Variants in STX8 observed in about 807,000 individuals in gnomAD.
STX8 encodes the protein syntaxin 8.
A neutral mutation model predicts 37.5 loss-of-function variants in STX8; 23 were observed. The observed-to-expected ratio is 0.61, with a 90% CI of 0.44 to 0.87. The LOEUF (loss-of-function observed/expected upper bound fraction) is 0.87, where lower values mean the gene tolerates loss of function less well. Among genes scored for constraint, STX8 ranks in the 40% least tolerant of loss-of-function variants. STX8 has a pLI of 0.00. For missense variants in STX8, 313 were observed against 284.7 expected (o/e 1.10, Z -0.71); for synonymous variants, 115 against 99.1 (o/e 1.16, Z -0.95).
At chr17:9,570,082 A>G (rs1907624060) in intron 1 of STX8, 1 of 152,236 alleles carries the variant, frequency 6.6e-6, no homozygotes. Context: ...GGACCAGTCC[A>G]TCACAAAATA....
chr17:9,271,736 A>G (rs1907469741), intron 7 of STX8, among the ~76,000 whole-genome samples: 1 of 149,190 alleles, frequency 6.7e-6, no homozygotes, highest in Non-Finnish European at 1.5e-5. Context: ...GCTATAGAGC[A>G]AGACTCCATC....
At chr17:9,350,234 AGGGTGGGATG>A (rs1274429789) in intron 7 of STX8, among the ~76,000 whole-genome samples, 1 of 140,416 alleles carries the variant, frequency 7.1e-6, no homozygotes, top group Non-Finnish European at 1.6e-5. Flanking sequence ...ATTCATATCC[AGGGTGGGATG>A]GGGTGGGATG....
At chr17:9,319,821 C>T (rs572379824) in intron 7 of STX8, among the ~76,000 whole-genome samples, 23 of 151,332 alleles carry the variant, frequency 1.5e-4, no homozygotes, top group East Asian at 1.2e-3. Flanking sequence ...CCTGGTGTCA[C>T]ACACTTGTAA....
chr17:9,250,674 T>A (rs928243800), intron 7 of STX8, 29 bp from the exon 8 acceptor site: 1 of 1,564,420 alleles, frequency 6.4e-7, no homozygotes, highest in African/African-American at 1.3e-5. Flanking sequence ...AAATACTACT[T>A]TTAATGATTC....
chr17:9,317,648 C>T (rs1440384589), intron 7 of STX8, among the ~76,000 whole-genome samples: 1 of 152,038 alleles, frequency 6.6e-6, no homozygotes, highest in Non-Finnish European at 1.5e-5. Flanking sequence ...CACCTGTAGT[C>T]CCAGCTACTT....
intron 4 of STX8, among the ~76,000 whole-genome samples, chr17:9,515,910 G>A (rs549110827): frequency 3.7e-4 from 56 of 152,160 alleles, no homozygotes; most frequent in Admixed American, 1.2e-3. Context: ...TCAATTTCAC[G>A]TACCTTCGAA....
At position 9,572,720 on chromosome 17, in the gene STX8, T is replaced by C. The variant is rs1312129224; in HGVS notation, c.17+3072A>G. Among the ~76,000 whole-genome samples the C allele has an allele frequency of 2.6e-5, 4 of 151,772 alleles. No individual in the cohort carries two copies. In the East Asian group the frequency reaches 7.8e-4, roughly 29 times the overall value. ...ACCACACCTGGCCTTTTATAGGTTTTTCAAGTCCCTTCCCATACTCCTTTC... is the reference window on the plus strand; with the variant it reads ...ACCACACCTGGCCTTTTATAGGTTTCTCAAGTCCCTTCCCATACTCCTTTC... On this transcript the variant is annotated intron_variant, in intron 1 of 7. Coordinates refer to ENST00000306357, the MANE Select transcript of STX8 (RefSeq NM_004853.3).
At chr17:9,401,888 G>A (rs752431114) in intron 6 of STX8, among the ~76,000 whole-genome samples, 1 of 152,050 alleles carries the variant, frequency 6.6e-6, no homozygotes, top group Non-Finnish European at 1.5e-5. Context: ...TTGTGGAAAA[G>A]TTATCTACCA....
At chr17:9,557,824 C>T (rs949596215) in intron 2 of STX8, among the ~76,000 whole-genome samples, 7 of 152,138 alleles carry the variant, frequency 4.6e-5, no homozygotes, top group African/African-American at 1.7e-4. Flanking sequence ...TCAGCTGAAT[C>T]CTGTCACCTG....
At chr17:9,268,965 A>T (rs1209898696) in intron 7 of STX8, among the ~76,000 whole-genome samples, 1 of 152,150 alleles carries the variant, frequency 6.6e-6, no homozygotes, top group Non-Finnish European at 1.5e-5. Context: ...AGGCGGGCGG[A>T]TCATGAAGTC....
chr17:9,478,702 T>A (rs977198598), intron 6 of STX8, among the ~76,000 whole-genome samples: 1 of 152,220 alleles, frequency 6.6e-6, no homozygotes, highest in South Asian at 2.1e-4. Context: ...TCTGGGTACA[T>A]GATTCTTGTC....
At chr17:9,344,951 G>A (rs2142236746) in intron 7 of STX8, among the ~76,000 whole-genome samples, 1 of 152,222 alleles carries the variant, frequency 6.6e-6, no homozygotes, top group South Asian at 2.1e-4. Flanking sequence ...TTTTAACCTG[G>A]TCAGTGTTTT....
chr17:9,284,594 A>T (rs561942006), intron 7 of STX8, among the ~76,000 whole-genome samples: 36 of 152,162 alleles, frequency 2.4e-4, no homozygotes, highest in East Asian at 2.3e-3. Context: ...TGTTTAAAAA[A>T]TTTTTTTTCT....
intron 6 of STX8, among the ~76,000 whole-genome samples, chr17:9,473,987 G>A (rs1403225146): frequency 6.6e-6 from 1 of 152,188 alleles, no homozygotes; most frequent in Non-Finnish European, 1.5e-5. Context: ...CAACCCCCAG[G>A]GAGGGGAGGG....
rs898243022 is a variant in STX8 at position 9,411,127 on chromosome 17, C to T, written c.542-32474G>A. Among the ~76,000 whole-genome samples the T allele has an allele frequency of 2.6e-5, 4 of 152,308 alleles. No homozygotes were observed. In the East Asian group the frequency reaches 5.8e-4, roughly 22 times the overall value. ...CAAGGAGCATTTTCCTCCAATAAAT[C>T]TACCCTAGAGGTTTGTACTCTTGGG... On this transcript the variant is annotated intron_variant, in intron 6 of 7. Coordinates refer to ENST00000306357, the MANE Select transcript of STX8 (RefSeq NM_004853.3).
chr17:9,497,840 T>C (rs2142487918), intron 5 of STX8, among the ~76,000 whole-genome samples: 3 of 152,288 alleles, frequency 2.0e-5, no homozygotes, highest in Middle Eastern at 6.8e-3. Context: ...AATCAAGGAC[T>C]GAAATGTACA....
chr17:9,416,473 A>G (rs1913199897), intron 6 of STX8, among the ~76,000 whole-genome samples: 1 of 152,106 alleles, frequency 6.6e-6, no homozygotes, highest in Non-Finnish European at 1.5e-5. Flanking sequence ...AGGTTCAAGC[A>G]ATTCTCTGCC....
chr17:9,518,534 C>G (rs1272716803), intron 4 of STX8, among the ~76,000 whole-genome samples: 1 of 152,166 alleles, frequency 6.6e-6, no homozygotes, highest in African/African-American at 2.4e-5. Context: ...TTGTGTTTCT[C>G]TGGGCAAGTC....
intron 7 of STX8, among the ~76,000 whole-genome samples, chr17:9,313,972 T>G (rs554473472): frequency 6.6e-6 from 1 of 152,202 alleles, no homozygotes; most frequent in Non-Finnish European, 1.5e-5. Flanking sequence ...TAGGTCTCTC[T>G]ATTTACTTTA....
Sources: gnomAD v4.1 joint callset for allele counts (sites outside exome capture counted in the v4.1 genomes callset) on GRCh38, gnomAD v4.1.1 for gene constraint, MANE v1.5 for transcripts, NCBI Gene and HGNC (gene_info 2026-07-23, HGNC 2026-07-21) for gene names.